CPQ: variants seen among roughly 807,000 people sequenced by gnomAD.
The protein encoded by CPQ is Ser-Met dipeptidase.
A neutral mutation model predicts 45.7 loss-of-function variants in CPQ; 37 were observed. The observed-to-expected ratio is 0.81, with a 90% CI of 0.62 to 1.07. The LOEUF (loss-of-function observed/expected upper bound fraction) is 1.07, where lower values mean the gene tolerates loss of function less well. Among genes scored for constraint, CPQ ranks in the 50% least tolerant of loss-of-function variants. The pLI is 0.00. For synonymous variants in CPQ, 186 were observed against 205.8 expected, an observed-to-expected ratio of 0.90 and a Z score of 0.82; for missense variants, 537 against 572.9, an observed-to-expected ratio of 0.94 and a Z score of 0.64.
intron 4 of CPQ, among the ~76,000 whole-genome samples, chr8:96,904,460 C>G (rs979734482): frequency 2.6e-5 from 4 of 152,156 alleles, no homozygotes; most frequent in Non-Finnish European, 4.4e-5. Flanking sequence ...TGTTAAGAGT[C>G]ATGAGATCTG....
rs553708166 is a variant in CPQ, at chr8:97,076,156, C to T, written c.1255+9946C>T. On this transcript the variant is annotated intron_variant, in intron 7 of 7. Coordinates refer to ENST00000220763, the MANE Select transcript of CPQ (RefSeq NM_016134.4). Reference sequence around the variant, plus strand: ...TCCTCCTGCCTCAGCCTCCTGAGTACGTGGGATTACAGGCACACACCACCA... The same window carrying T: ...TCCTCCTGCCTCAGCCTCCTGAGTATGTGGGATTACAGGCACACACCACCA... Among the ~76,000 whole-genome samples, 11 of 151,818 alleles carry T rather than the reference C, an allele frequency of 7.2e-5. No homozygotes were observed. In the East Asian group the frequency reaches 1.6e-3, roughly 21 times the overall value.
chr8:96,913,391 A>G (rs1812693265), intron 4 of CPQ, among the ~76,000 whole-genome samples: 1 of 152,196 alleles, frequency 6.6e-6, no homozygotes, highest in South Asian at 2.1e-4. Flanking sequence ...CAAGTTACAA[A>G]TGCGGTGTGC....
intron 5 of CPQ, among the ~76,000 whole-genome samples, chr8:97,004,750 T>C (rs142829352): frequency 0.011 from 1,618 of 152,242 alleles, 24 homozygotes; most frequent in African/African-American, 0.037. Flanking sequence ...ATAGCACAGA[T>C]AAATGTCTAA....
intron 1 of CPQ, among the ~76,000 whole-genome samples, chr8:96,783,992 G>C (rs993250310): frequency 9.2e-5 from 14 of 152,086 alleles, no homozygotes; most frequent in African/African-American, 3.4e-4. Flanking sequence ...TCTAGAGCTA[G>C]AAAGCCTTTG....
At chr8:96,886,306 A>T (rs1050248074) in intron 4 of CPQ, among the ~76,000 whole-genome samples, 1 of 152,164 alleles carries the variant, frequency 6.6e-6, no homozygotes. Flanking sequence ...CTGGGAAATC[A>T]TGGTATATTT....
intron 4 of CPQ, among the ~76,000 whole-genome samples, chr8:96,941,803 G>C (rs139979231): frequency 1.3e-5 from 2 of 152,222 alleles, no homozygotes; most frequent in African/African-American, 4.8e-5. Flanking sequence ...TATTTGATGA[G>C]ATAAGCACTG....
At chr8:96,743,560 TA>T (rs1425423467) in intron 1 of CPQ, among the ~76,000 whole-genome samples, 2 of 152,148 alleles carry the variant, frequency 1.3e-5, no homozygotes, top group Admixed American at 1.3e-4. Flanking sequence ...CTCTGCTTTT[TA>T]GAGTTTCCAG....
intron 2 of CPQ, among the ~76,000 whole-genome samples, chr8:96,799,145 TA>T (rs1810972568): frequency 6.6e-6 from 1 of 152,188 alleles, no homozygotes; most frequent in Non-Finnish European, 1.5e-5. Context: ...GAAGGATAAA[TA>T]AACATCAATC....
chr8:96,875,900 G>A (rs1278430006), intron 3 of CPQ, among the ~76,000 whole-genome samples: 1 of 151,854 alleles, frequency 6.6e-6, no homozygotes, highest in East Asian at 1.9e-4. Context: ...GCATTGCCAT[G>A]TTAACAATAT....
chr8:96,954,999 G>A (rs1449976585), intron 4 of CPQ, among the ~76,000 whole-genome samples: 4 of 152,194 alleles, frequency 2.6e-5, no homozygotes, highest in South Asian at 2.1e-4. Context: ...GTCTATCATT[G>A]TTGGACATTT....
Position 96,705,702 on chromosome 8 carries a change from A to G in CPQ, c.-35+60300A>G, listed in dbSNP as rs190520863. Among the ~76,000 whole-genome samples, 372 of 151,814 alleles carry G rather than the reference A, an allele frequency of 2.5e-3. 4 individuals carry two copies. Among genetic ancestry groups the G allele is most frequent in the African/African-American group, 8.4e-3 (349 of 41,424 alleles). On this transcript the variant is annotated intron_variant, in intron 1 of 7. Coordinates refer to ENST00000220763, the MANE Select transcript of CPQ (RefSeq NM_016134.4). ...GTCTCCCAATAGTCCCTTTCCTTCT[A>G]TTCCCTCTCTCTTGACTATCTGTTT...
intron 3 of CPQ, among the ~76,000 whole-genome samples, chr8:96,843,166 A>G (rs1386713811): frequency 6.6e-6 from 1 of 152,150 alleles, no homozygotes; most frequent in Non-Finnish European, 1.5e-5. Flanking sequence ...CTTGGCTCCC[A>G]AAGTACTGAG....
At chr8:96,862,678 CAT>C (rs1811941766) in intron 3 of CPQ, among the ~76,000 whole-genome samples, 1 of 152,076 alleles carries the variant, frequency 6.6e-6, no homozygotes, top group Non-Finnish European at 1.5e-5. Context: ...CAGACACCTA[CAT>C]ATCTGTTCTT....
At chr8:96,972,308 T>C (rs903160013) in intron 5 of CPQ, among the ~76,000 whole-genome samples, 1 of 151,940 alleles carries the variant, frequency 6.6e-6, no homozygotes, top group Admixed American at 6.6e-5. Context: ...TATAACTCCA[T>C]TGGACTGGGA....
chr8:96,717,231 G>T (rs1489699126), intron 1 of CPQ, among the ~76,000 whole-genome samples: 1 of 150,762 alleles, frequency 6.6e-6, no homozygotes. Context: ...CTTTTTCTTT[G>T]GGTAGATAGC....
intron 1 of CPQ, among the ~76,000 whole-genome samples, chr8:96,682,307 C>G (rs1470852398): frequency 6.6e-6 from 1 of 152,168 alleles, no homozygotes; most frequent in Non-Finnish European, 1.5e-5. Flanking sequence ...TAGTAAGTCT[C>G]ACTTACTCAC....
At chr8:96,702,623 G>T (rs57782006) in intron 1 of CPQ, among the ~76,000 whole-genome samples, 1 of 152,062 alleles carries the variant, frequency 6.6e-6, no homozygotes, top group African/African-American at 2.4e-5. Context: ...TGAGGTAGGC[G>T]ATGGTACTAT....
At chr8:96,921,092 C>T (rs1284770867) in intron 4 of CPQ, among the ~76,000 whole-genome samples, 2 of 152,102 alleles carry the variant, frequency 1.3e-5, no homozygotes, top group Non-Finnish European at 2.9e-5. Flanking sequence ...TCCCGTTTTA[C>T]AGATGAAGCC....
At chr8:96,977,638 C>T (rs561735313) in intron 5 of CPQ, among the ~76,000 whole-genome samples, 3 of 152,258 alleles carry the variant, frequency 2.0e-5, no homozygotes, top group African/African-American at 4.8e-5. Flanking sequence ...GAATATTACT[C>T]AGCCACAAAA....
Sources: gnomAD v4.1 joint callset for allele counts (sites outside exome capture counted in the v4.1 genomes callset) on GRCh38, gnomAD v4.1.1 for gene constraint, MANE v1.5 for transcripts, NCBI Gene and HGNC (gene_info 2026-07-23, HGNC 2026-07-21) for gene names.